SESTD1: variants seen among roughly 807,000 people sequenced by gnomAD.
The protein encoded by SESTD1 is SEC14 domain and spectrin repeat-containing protein 1.
A neutral mutation model predicts 101.7 loss-of-function variants in SESTD1; 43 were observed. That is an observed-to-expected ratio of 0.42 (90% CI 0.33 to 0.55). SESTD1 has a LOEUF of 0.55. Among genes scored for constraint, SESTD1 ranks in the 20% least tolerant of loss-of-function variants. The pLI is 0.07. For synonymous variants in SESTD1, 283 were observed against 286.8 expected, an observed-to-expected ratio of 0.99 and a Z score of 0.13; for missense variants, 647 against 815.1, an observed-to-expected ratio of 0.79 and a Z score of 2.51.
In SESTD1 at chr2:179,257,441, T is replaced by C. The variant is rs527423587; in HGVS notation, c.-26+7058A>G. Among the ~76,000 whole-genome samples, 32 of 152,340 alleles carry C rather than the reference T, an allele frequency of 2.1e-4. 2 individuals carry two copies. In the South Asian group the frequency reaches 5.8e-3, roughly 28 times the overall value. On this transcript the variant is annotated intron_variant, in intron 1 of 17. Coordinates refer to ENST00000428443, the MANE Select transcript of SESTD1 (RefSeq NM_178123.5). ...TTTTTAGACATAATTCTATCACACA[T>C]TTTGTAAACTACAGTGTGAACATAA...
Position 179,197,565 on chromosome 2 carries a change from T to C in SESTD1, c.-25-5699A>G, listed in dbSNP as rs544494550. On this transcript the variant is annotated intron_variant, in intron 1 of 17. Coordinates refer to ENST00000428443, the MANE Select transcript of SESTD1 (RefSeq NM_178123.5). ...TGTTAAGGGCAGCCAGAGAGAAAGGTCGGGTTACCCTCAAAGGGAAGCCCA... is the reference window on the plus strand; with the variant it reads ...TGTTAAGGGCAGCCAGAGAGAAAGGCCGGGTTACCCTCAAAGGGAAGCCCA... Among the ~76,000 whole-genome samples the C allele has an allele frequency of 7.9e-5, 12 of 152,264 alleles. No homozygotes were observed. The South Asian group carries it at 2.5e-3, about 32-fold the overall frequency.
intron 1 of SESTD1, among the ~76,000 whole-genome samples, chr2:179,260,331 C>A (rs1423795307): frequency 1.3e-5 from 2 of 152,104 alleles, no homozygotes; most frequent in African/African-American, 4.8e-5. Context: ...GCCTTGGCAA[C>A]ATTGAGAAAC....
intron 4 of SESTD1, 87 bp downstream of exon 4, chr2:179,176,361 C>T (rs1319579753): frequency 1.0e-6 from 1 of 962,534 alleles, no homozygotes; most frequent in Non-Finnish European, 1.6e-6. Context: ...CAGGCACAGT[C>T]CAATAAATTA....
chr2:179,177,391 G>A (rs542701788), intron 3 of SESTD1, among the ~76,000 whole-genome samples: 3 of 152,216 alleles, frequency 2.0e-5, no homozygotes, highest in East Asian at 3.9e-4. Context: ...GCTTATCAGA[G>A]CAAGATTTTG....
rs767445413 is a variant in SESTD1 at position 179,175,936 on chromosome 2, G to A, written c.255+512C>T. On this transcript the variant is annotated intron_variant, in intron 4 of 17. Coordinates refer to ENST00000428443, the MANE Select transcript of SESTD1 (RefSeq NM_178123.5). The stretch of plus-strand genomic sequence containing the variant: ...AAATTCCTGAGGACACAGCTGGTAA[G>A]TTTCTTCTGGGCTACAAATAAATAA... Among the ~76,000 whole-genome samples the A allele has an allele frequency of 8.2e-4, 125 of 152,162 alleles. 1 individual carries two copies. Among genetic ancestry groups the A allele is most frequent in the Non-Finnish European group, 2.5e-4 (17 of 68,016 alleles).
Position 179,109,247 on chromosome 2 carries a change from T to C in SESTD1, c.*652A>G, listed in dbSNP as rs1454003386. On this transcript the variant is annotated 3_prime_UTR_variant, in exon 18 of 18. Coordinates refer to ENST00000428443, the MANE Select transcript of SESTD1 (RefSeq NM_178123.5). ...TAAACCATCCTCACAGTCCTAAGAA[T>C]GCCCTTTTAAATAAGGCACTCATGT... The C allele has an allele frequency of 6.5e-6, 1 of 152,986 alleles. No homozygotes were observed. Among genetic ancestry groups the C allele is most frequent in the Non-Finnish European group, 1.5e-5 (1 of 68,308 alleles). 9.5% of individuals were successfully genotyped at this position (152,986 alleles called of 1,614,324 possible).
intron 12 of SESTD1, 47 bp downstream of exon 12, chr2:179,123,668 T>TAAA (rs5836671): frequency 0.012 from 11,428 of 974,796 alleles, 1 homozygote; most frequent in South Asian, 0.013. Flanking sequence ...TAATGATATT[T>TAAA]AAAAAAAAAA....
chr2:179,116,755 C>T lies in SESTD1; in HGVS notation c.1560G>A (p.Leu520=), dbSNP rs995856853. The T allele has an allele frequency of 3.1e-6, 5 of 1,614,050 alleles. No individual in the cohort carries two copies. Among genetic ancestry groups the T allele is most frequent in the Middle Eastern group, 1.7e-4 (1 of 6,060 alleles). ...CGCCCAATCTGATGTGAGTCTTAAG[C>T]AGAGCATCCAGAAGTTCACTTAGCC... ...VEWLSELLDA[L]LKTHIRLGDD... is the part of the protein sequence containing the mutation. Residue 520 remains leucine (L), a synonymous_variant, in exon 15 of 18, where the codon CTG becomes CTA. Transcript: ENST00000428443.
chr2:179,189,661 C>T (rs1333980740), intron 2 of SESTD1, among the ~76,000 whole-genome samples: 6 of 152,014 alleles, frequency 3.9e-5, no homozygotes, highest in Non-Finnish European at 1.5e-5. Flanking sequence ...TGTTTCTATA[C>T]CTAGACAACC....
At chr2:179,227,403 C>A (rs990506738) in intron 1 of SESTD1, among the ~76,000 whole-genome samples, 1 of 152,110 alleles carries the variant, frequency 6.6e-6, no homozygotes, top group Non-Finnish European at 1.5e-5. Context: ...TTATCTGATA[C>A]CATCCACAAA....
intron 10 of SESTD1, among the ~76,000 whole-genome samples, chr2:179,128,379 C>T (rs1357752376): frequency 6.6e-6 from 1 of 152,124 alleles, no homozygotes; most frequent in Non-Finnish European, 1.5e-5. Context: ...GCAAAAAAAT[C>T]TGGCTAATAC....
intron 1 of SESTD1, among the ~76,000 whole-genome samples, chr2:179,198,603 A>G (rs1048649516): frequency 7.3e-5 from 11 of 151,704 alleles, no homozygotes; most frequent in African/African-American, 2.7e-4. Flanking sequence ...ATAACAAACT[A>G]TCTCTCAGAC....
chr2:179,219,018 G>A (rs940879301), intron 1 of SESTD1, among the ~76,000 whole-genome samples: 4 of 151,944 alleles, frequency 2.6e-5, no homozygotes, highest in Non-Finnish European at 4.4e-5. Flanking sequence ...ACACCTTGAC[G>A]GGAAATCACA....
rs771749006 is a variant in SESTD1, at chr2:179,121,719, A to T, written c.1442+51T>A. On this transcript the variant is annotated intron_variant, in intron 13 of 17. Transcript: ENST00000428443. ...ATAAAATGTTATATAACTTCATTTTAACTAATATTGTTATTATTTTAGTAA... is the reference window on the plus strand; with the variant it reads ...ATAAAATGTTATATAACTTCATTTTTACTAATATTGTTATTATTTTAGTAA... 2.1e-6 allele frequency: 3 copies of T among 1,440,474 alleles called. No homozygotes were observed. The African/African-American group carries it at 4.4e-5, about 21-fold the overall frequency. The allele number at this position is 1,440,474 out of a possible 1,614,324, so 89.2% of individuals were successfully genotyped here. A position where few individuals can be genotyped will look rare whatever the true frequency, so the allele number is the denominator to read the frequency against.
rs866120889 is a variant in SESTD1, at chr2:179,104,154, T to G, written c.*5745A>C. ...ATTTTATGACAGTAAGATCATCAAA[T>G]TCTTCTAAGTGTCCATTGAGAAGTA... On this transcript the variant is annotated 3_prime_UTR_variant, in exon 18 of 18. Coordinates refer to ENST00000428443, the MANE Select transcript of SESTD1 (RefSeq NM_178123.5). 4 of 152,286 alleles carry G rather than the reference T, an allele frequency of 2.6e-5. No individual in the cohort carries two copies. The highest frequency in any genetic ancestry group is 6.8e-3 in the Middle Eastern group (2 of 294). 9.4% of individuals were successfully genotyped at this position (152,286 alleles called of 1,614,324 possible).
intron 5 of SESTD1, among the ~76,000 whole-genome samples, chr2:179,157,899 A>G (rs1357425298): frequency 2.0e-5 from 3 of 152,170 alleles, no homozygotes; most frequent in Non-Finnish European, 4.4e-5. Context: ...CACAAGATGT[A>G]GAATAAAATT....
At chr2:179,123,079 T>C (rs2044789268) in intron 12 of SESTD1, among the ~76,000 whole-genome samples, 1 of 152,154 alleles carries the variant, frequency 6.6e-6, no homozygotes, top group African/African-American at 2.4e-5. Context: ...TTGTCCCCCC[T>C]TGATACGACT....
At chr2:179,263,778 A>G (rs1199490372) in intron 1 of SESTD1, among the ~76,000 whole-genome samples, 1 of 152,178 alleles carries the variant, frequency 6.6e-6, no homozygotes, top group African/African-American at 2.4e-5. Flanking sequence ...CTTTTCTAAT[A>G]TGAGTCTACC....
At chr2:179,230,111 C>CTTTTTTT (rs1559153333) in intron 1 of SESTD1, among the ~76,000 whole-genome samples, 1 of 80,358 alleles carries the variant, frequency 1.2e-5, no homozygotes, top group African/African-American at 3.6e-5. Flanking sequence ...TGGATTGTAT[C>CTTTTTTT]TCTTTTTTTT....
Sources: allele counts gnomAD v4.1 joint callset (sites outside exome capture counted in the v4.1 genomes callset), GRCh38; gene constraint gnomAD v4.1.1; transcripts MANE v1.5; gene names NCBI Gene and HGNC (gene_info 2026-07-23, HGNC 2026-07-21).